DST: variants seen among roughly 807,000 people sequenced by gnomAD.
DST encodes the protein dystonin, also known as bullous pemphigoid antigen.
A neutral mutation model predicts 875.2 loss-of-function variants in DST; 253 were observed. The ratio of observed to expected loss-of-function variants is 0.29; its 90% CI spans 0.26 to 0.32. DST has a LOEUF of 0.32. Among genes scored for constraint, DST ranks in the 10% least tolerant of loss-of-function variants. The pLI, the probability that DST is intolerant of heterozygous loss-of-function variation, is 1.00. For missense variants in DST, 8,287 were observed against 9,111.6 expected (o/e 0.91, Z 3.68); for synonymous variants, 3,124 against 3,197.1 (o/e 0.98, Z 0.77).
intron 2 of DST, among the ~76,000 whole-genome samples, chr6:56,941,746 G>A (rs760184308): frequency 6.6e-6 from 1 of 152,192 alleles, no homozygotes; most frequent in Non-Finnish European, 1.5e-5. Flanking sequence ...CTCCCAAAGT[G>A]TTATCATTAT....
Position 56,477,424 on chromosome 6 carries a change from G to A in DST, c.21596C>T (p.Thr7199Ile), listed in dbSNP as rs771653043. The change falls in exon 91 of 104, where the codon ACC becomes ATC. Residue 7199 changes from threonine (T) to isoleucine (I), a missense_variant. Physicochemically the swap from Thr to Ile is moderately conservative, Grantham distance 89. Transcript: ENST00000680361. Reference protein sequence around the residue: ...ELNKATTMGDTVLAICHPDSI... With the variant: ...ELNKATTMGDIVLAICHPDSI... ...GTCGGGGTGGCAGATAGCCAAAACG[G>A]TGTCGCCCATAGTGGTGGCTTTATT... 1.2e-6 allele frequency: 2 copies of A among 1,613,868 alleles called. No individual in the cohort carries two copies. Among genetic ancestry groups the A allele is most frequent in the East Asian group, 4.5e-5 (2 of 44,886 alleles).
At chr6:56,846,284 G>A (rs2099807043) in intron 4 of DST, among the ~76,000 whole-genome samples, 1 of 152,208 alleles carries the variant, frequency 6.6e-6, no homozygotes, top group South Asian at 2.1e-4. Context: ...TAAGGAAACT[G>A]AGGCTAAGAT....
At chr6:56,822,171 T>C (rs1294980528) in intron 4 of DST, among the ~76,000 whole-genome samples, 1 of 152,204 alleles carries the variant, frequency 6.6e-6, no homozygotes, top group Non-Finnish European at 1.5e-5. Context: ...TATTCTCCAC[T>C]GTAAATAACT....
Position 56,509,842 on chromosome 6 carries a change from C to T in DST, c.18812G>A (p.Ser6271Asn), listed in dbSNP as rs770169658. The T allele has an allele frequency of 6.2e-7, 1 of 1,613,200 alleles. No individual in the cohort carries two copies. The highest frequency in any genetic ancestry group is 1.3e-5 in the African/African-American group (1 of 75,018). ...FHDKIDQILE[S>N]LERIVERLRQ... ...CAGACGTTCCACGATGCGTTCCAGGCTCTCAAGGATCTGATCTATCTTGTC... is the reference window on the plus strand; with the variant it reads ...CAGACGTTCCACGATGCGTTCCAGGTTCTCAAGGATCTGATCTATCTTGTC... Residue 6271 changes from serine to asparagine, a missense_variant, in exon 74 of 104, where the codon AGC becomes AAC. Ser to Asn is a conservative substitution (Grantham distance 46). Around this residue, in one of 10 missense-constraint regions of DST, gnomAD observed 1,292 missense variants for 1,552.7 expected, o/e 0.83. Coordinates refer to ENST00000680361, the MANE Select transcript of DST (RefSeq NM_001374736.1).
intron 4 of DST, among the ~76,000 whole-genome samples, chr6:56,741,661 A>T (rs892630203): frequency 7.9e-5 from 12 of 152,224 alleles, no homozygotes; most frequent in African/African-American, 2.9e-4. Flanking sequence ...ATTCCAGATT[A>T]CACCATCTAA....
chr6:56,916,987 TAAAAAAAAAAAAAAA>T (rs1161421788), intron 2 of DST, among the ~76,000 whole-genome samples: 10 of 35,544 alleles, frequency 2.8e-4, no homozygotes, highest in East Asian at 1.2e-3. Context: ...CCAGGCATGC[TAAAAAAAAAAAAAAA>T]AAAAAAAAAA....
intron 2 of DST, among the ~76,000 whole-genome samples, chr6:56,902,776 G>C (rs1460118334): frequency 6.6e-6 from 1 of 152,202 alleles, no homozygotes; most frequent in African/African-American, 2.4e-5. Context: ...CTGGAGAAGA[G>C]GATTAAGGAG....
intron 71 of DST, among the ~76,000 whole-genome samples, chr6:56,516,996 A>T (rs1308898474): frequency 6.6e-6 from 1 of 152,208 alleles, no homozygotes; most frequent in African/African-American, 2.4e-5. Flanking sequence ...CTATTCAAAA[A>T]GATTGTCCTC....
Position 56,604,207 on chromosome 6 carries a change from T to C in DST, c.10421A>G (p.Asp3474Gly), listed in dbSNP as rs995801549. The change falls in exon 40 of 104, where the codon GAC becomes GGC. Residue 3474 changes from aspartate to glycine, a missense_variant. Asp to Gly is a moderately conservative substitution (Grantham distance 94). Coordinates refer to ENST00000680361, the MANE Select transcript of DST (RefSeq NM_001374736.1). ...AGACGTAATGCCTCTTTTCTCTAGG[T>C]CATACTCCATATGAGTTAATTCTCT... is the stretch of plus-strand genomic sequence containing the variant. ...LMRELTHMEY[D>G]LEKRGITSKV... is the part of the protein sequence containing the mutation. 2 of 1,606,002 alleles carry C rather than the reference T, an allele frequency of 1.2e-6. No homozygotes were observed. The highest frequency in any genetic ancestry group is 1.7e-6 in the Non-Finnish European group (2 of 1,175,466).
intron 3 of DST, among the ~76,000 whole-genome samples, chr6:56,857,219 T>C (rs566679914): frequency 2.0e-5 from 3 of 152,294 alleles, no homozygotes; most frequent in Admixed American, 1.3e-4. Flanking sequence ...GGTCTCACTA[T>C]GTTGACCAGG....
intron 37 of DST, among the ~76,000 whole-genome samples, chr6:56,613,124 T>A (rs1563189882): frequency 6.6e-6 from 1 of 152,320 alleles, no homozygotes; most frequent in East Asian, 1.9e-4. Context: ...TCCCAAGGAA[T>A]CTTTGTTAAG....
intron 9 of DST, among the ~76,000 whole-genome samples, chr6:56,690,781 G>C (rs1337819119): frequency 2.0e-5 from 3 of 152,192 alleles, no homozygotes; most frequent in African/African-American, 7.2e-5. Context: ...AAGATAAAGA[G>C]TTCTGTGGAA....
chr6:56,599,508 G>A (rs1171391014), intron 45 of DST, among the ~76,000 whole-genome samples: 1 of 152,014 alleles, frequency 6.6e-6, no homozygotes, highest in East Asian at 1.9e-4. Context: ...TGAAGAAACT[G>A]AGGCTGTGAC....
chr6:56,598,328 C>G (rs1258775102), intron 46 of DST, 148 bp downstream of exon 46: 1 of 541,224 alleles, frequency 1.8e-6, no homozygotes, highest in African/African-American at 1.9e-5. Flanking sequence ...TTTTGTAGTA[C>G]TTGGTCAATT....
chr6:56,935,816 T>C (rs1812727816), intron 2 of DST, among the ~76,000 whole-genome samples: 1 of 151,908 alleles, frequency 6.6e-6, no homozygotes, highest in Admixed American at 6.6e-5. Context: ...TCCCAGCTAC[T>C]CAGGAGGCTG....
intron 34 of DST, among the ~76,000 whole-genome samples, chr6:56,625,579 G>A (rs2098725602): frequency 6.6e-6 from 1 of 151,936 alleles, no homozygotes; most frequent in Admixed American, 6.6e-5. Context: ...TGGTGATGCT[G>A]GTGTAAACAA....
chr6:56,880,696 A>G (rs963632012), intron 3 of DST, among the ~76,000 whole-genome samples: 13 of 151,024 alleles, frequency 8.6e-5, no homozygotes, highest in African/African-American at 3.2e-4. Context: ...CAAAAAAAAG[A>G]AAAAAGAAAA....
At chr6:56,539,586 C>G (rs2097086653) in intron 61 of DST, among the ~76,000 whole-genome samples, 1 of 152,102 alleles carries the variant, frequency 6.6e-6, no homozygotes, top group Non-Finnish European at 1.5e-5. Context: ...ACCTTTGAGG[C>G]CAAGTTTACC....
chr6:56,721,424 T>C (rs1437621603), intron 5 of DST, among the ~76,000 whole-genome samples: 1 of 152,210 alleles, frequency 6.6e-6, no homozygotes, highest in Non-Finnish European at 1.5e-5. Context: ...AAGTGATAAG[T>C]GTCCATGAAA....
Sources: allele counts gnomAD v4.1 joint callset (sites outside exome capture counted in the v4.1 genomes callset), GRCh38; gene constraint gnomAD v4.1.1; regional missense constraint gnomAD v4.1.1; transcripts MANE v1.5; gene names NCBI Gene and HGNC (gene_info 2026-07-23, HGNC 2026-07-21).